ZC3H8: variants seen among roughly 807,000 people sequenced by gnomAD.
ZC3H8 encodes zinc finger CCCH domain-containing protein 8.
Under a neutral mutation model 42.5 loss-of-function variants are expected in ZC3H8, and 27 were observed. The observed-to-expected ratio is 0.64, with a 90% CI of 0.47 to 0.88. The LOEUF is 0.88. Ranked by LOEUF, ZC3H8 falls within the 40% of genes least tolerant of loss-of-function variation. ZC3H8 has a pLI of 0.00. For synonymous variants in ZC3H8, 101 were observed against 110.1 expected (o/e 0.92, Z 0.52); for missense variants, 277 against 336.1 (o/e 0.82, Z 1.37).
intron 4 of ZC3H8, among the ~76,000 whole-genome samples, chr2:112,236,091 C>T (rs1685314481): frequency 6.6e-6 from 1 of 151,982 alleles, no homozygotes; most frequent in Non-Finnish European, 1.5e-5. Flanking sequence ...TGGCGAAACC[C>T]TGTCTCTACT....
chr2:112,227,128 A>T lies in ZC3H8; in HGVS notation c.*15+3775T>A, dbSNP rs530750398. The stretch of plus-strand genomic sequence containing the variant: ...CTGAATGCTTCTGCCAAATATCAGG[A>T]CAAAGGCAACATTATCTGCTCTCAC... On this transcript the variant is annotated intron_variant, in intron 8 of 8. Coordinates refer to ENST00000409573, the MANE Select transcript of ZC3H8 (RefSeq NM_032494.3). Among the ~76,000 whole-genome samples, 72 of 152,364 alleles carry T rather than the reference A, an allele frequency of 4.7e-4. 1 individual carries two copies. Among genetic ancestry groups the T allele is most frequent in the Non-Finnish European group, 7.2e-4 (49 of 68,042 alleles).
intron 8 of ZC3H8, among the ~76,000 whole-genome samples, chr2:112,216,911 G>A (rs1684351962): frequency 6.6e-6 from 1 of 152,064 alleles, no homozygotes; most frequent in South Asian, 2.1e-4. Flanking sequence ...AAGAAACACA[G>A]TAACAATAAA....
rs564039064 is a variant in ZC3H8 at position 112,247,401 on chromosome 2, C to A, written c.156+2790G>T. Among the ~76,000 whole-genome samples the A allele has an allele frequency of 3.3e-5, 5 of 152,060 alleles. 1 individual carries two copies. The highest frequency in any genetic ancestry group is 7.4e-5 in the Non-Finnish European group (5 of 68,012). On this transcript the variant is annotated intron_variant, in intron 2 of 8. Coordinates refer to ENST00000409573, the MANE Select transcript of ZC3H8 (RefSeq NM_032494.3). The stretch of plus-strand genomic sequence containing the variant: ...ACCAGCCTGGCCAACATGGCAAAAA[C>A]CCATCTCTACTAAAAATACAAAAAT...
chr2:112,223,033 C>G (rs899751153), intron 8 of ZC3H8, among the ~76,000 whole-genome samples: 4 of 151,842 alleles, frequency 2.6e-5, no homozygotes, highest in South Asian at 2.1e-4. Context: ...ACTGCATGTT[C>G]TCACTCATAG....
chr2:112,219,399 A>G (rs1684486364), intron 8 of ZC3H8, among the ~76,000 whole-genome samples: 1 of 152,222 alleles, frequency 6.6e-6, no homozygotes, highest in Non-Finnish European at 1.5e-5. Context: ...GTGAAGTTGG[A>G]CCACTGTCTT....
Position 112,211,556 on chromosome 2 carries a change from G to A in ZC3H8, c.*4928C>T, listed in dbSNP as rs926398002. On this transcript the variant is annotated 3_prime_UTR_variant, in exon 9 of 9. Transcript: ENST00000409573. ...TCATAGTAAACTTTTATTTAACTATGTACAACTTCAGTTAAAAATTATATT... is the reference window on the plus strand; with the variant it reads ...TCATAGTAAACTTTTATTTAACTATATACAACTTCAGTTAAAAATTATATT... 7.2e-5 allele frequency: 11 copies of A among 152,074 alleles called. No homozygotes were observed. Among genetic ancestry groups the A allele is most frequent in the Middle Eastern group, 3.2e-3 (1 of 316 alleles). The allele number at this position is 152,074 out of a possible 1,614,324, so 9.4% of individuals were successfully genotyped here.
At chr2:112,240,957 G>GTA (rs2104663201) in intron 2 of ZC3H8, among the ~76,000 whole-genome samples, 1 of 116,024 alleles carries the variant, frequency 8.6e-6, no homozygotes, top group Non-Finnish European at 1.9e-5. Context: ...GTAACAGTGT[G>GTA]TGTGTGTGTG....
intron 2 of ZC3H8, among the ~76,000 whole-genome samples, chr2:112,241,880 T>C (rs1476861945): frequency 1.3e-5 from 2 of 152,254 alleles, no homozygotes. Context: ...TAATCAAACA[T>C]TTTATTTTAT....
At chr2:112,241,777 AAT>A (rs1356815683) in intron 2 of ZC3H8, among the ~76,000 whole-genome samples, 32 of 152,342 alleles carry the variant, frequency 2.1e-4, no homozygotes, top group African/African-American at 6.0e-4. Flanking sequence ...GCTAGGTCTT[AAT>A]ATTCAGTGTA....
intron 8 of ZC3H8, among the ~76,000 whole-genome samples, chr2:112,219,394 G>A (rs1423868316): frequency 6.6e-6 from 1 of 152,172 alleles, no homozygotes; most frequent in Non-Finnish European, 1.5e-5. Flanking sequence ...AAACAGTGAA[G>A]TTGGACCACT....
chr2:112,233,504 C>T, intron 5 of ZC3H8, 133 bp from the exon 6 acceptor site: 1 of 639,192 alleles, frequency 1.6e-6, no homozygotes, highest in Non-Finnish European at 2.8e-6. Flanking sequence ...CACATTCTAA[C>T]TGTTAATAAA....
chr2:112,241,187 T>C (rs1413939647), intron 2 of ZC3H8, among the ~76,000 whole-genome samples: 1 of 152,096 alleles, frequency 6.6e-6, no homozygotes, highest in African/African-American at 2.4e-5. Context: ...ACAAAGCTGT[T>C]ACAACAAATT....
intron 3 of ZC3H8, among the ~76,000 whole-genome samples, chr2:112,237,401 T>G (rs1258463642): frequency 1.3e-5 from 2 of 152,182 alleles, no homozygotes; most frequent in Non-Finnish European, 2.9e-5. Context: ...GATTTTTCAC[T>G]GAAAACATTT....
chr2:112,244,202 G>A (rs1685682669), intron 2 of ZC3H8, among the ~76,000 whole-genome samples: 1 of 152,050 alleles, frequency 6.6e-6, no homozygotes, highest in Non-Finnish European at 1.5e-5. Flanking sequence ...AAAGATATTA[G>A]AATGAAATTG....
intron 8 of ZC3H8, among the ~76,000 whole-genome samples, chr2:112,217,139 C>T (rs1276421553): frequency 1.3e-5 from 2 of 152,074 alleles, no homozygotes; most frequent in African/African-American, 4.8e-5. Flanking sequence ...GAGACCAAGG[C>T]GGGTGGATCA....
intron 8 of ZC3H8, among the ~76,000 whole-genome samples, chr2:112,220,163 G>A (rs541419402): frequency 6.6e-6 from 1 of 152,282 alleles, no homozygotes; most frequent in South Asian, 2.1e-4. Flanking sequence ...GGTTAGTATT[G>A]ATACATGCAG....
Position 112,216,215 on chromosome 2 carries a change from C to G in ZC3H8, c.*269G>C, listed in dbSNP as rs892624280. ...TTCTACAATTTACTATCACATTTAC[C>G]CACCAGCCATCACCTCTGCCATATA... On this transcript the variant is annotated 3_prime_UTR_variant, in exon 9 of 9. Transcript: ENST00000409573. 1 of 152,164 alleles carries G rather than the reference C, an allele frequency of 6.6e-6. No homozygotes were observed. The highest frequency in any genetic ancestry group is 6.6e-5 in the Admixed American group (1 of 15,266). 9.4% of individuals were successfully genotyped at this position (152,164 alleles called of 1,614,324 possible).
intron 2 of ZC3H8, among the ~76,000 whole-genome samples, chr2:112,239,876 T>A (rs1475578794): frequency 6.6e-6 from 1 of 152,152 alleles, no homozygotes; most frequent in Admixed American, 6.5e-5. Flanking sequence ...TGAGCCACCA[T>A]GCCCGGCAAC....
intron 2 of ZC3H8, among the ~76,000 whole-genome samples, chr2:112,245,428 C>T (rs1685724134): frequency 6.6e-6 from 1 of 152,168 alleles, no homozygotes; most frequent in Admixed American, 6.5e-5. Flanking sequence ...CCGAGGCGGG[C>T]AGATCACTTG....
Sources: gnomAD v4.1 joint callset for allele counts (sites outside exome capture counted in the v4.1 genomes callset) on GRCh38, gnomAD v4.1.1 for gene constraint, MANE v1.5 for transcripts, NCBI Gene and HGNC (gene_info 2026-07-23, HGNC 2026-07-21) for gene names.